Variants in PITPNM3 observed in about 807,000 individuals in gnomAD.
PITPNM3 encodes the protein membrane-associated phosphatidylinositol transfer protein 3.
Under a neutral mutation model 102.0 loss-of-function variants are expected in PITPNM3, and 26 were observed. That is an observed-to-expected ratio of 0.25 (90% CI 0.19 to 0.35). The LOEUF (loss-of-function observed/expected upper bound fraction) is 0.35. PITPNM3 is among the 10% of genes least tolerant of loss of function. The pLI, the probability that PITPNM3 is intolerant of heterozygous loss-of-function variation, is 1.00. For synonymous variants in PITPNM3, 578 were observed against 558.6 expected, an observed-to-expected ratio of 1.03 and a Z score of -0.49; for missense variants, 1,083 against 1,346.1, an observed-to-expected ratio of 0.80 and a Z score of 3.06.
intron 9 of PITPNM3, among the ~76,000 whole-genome samples, chr17:6,476,390 T>C (rs969411024): frequency 1.3e-4 from 20 of 152,230 alleles, no homozygotes; most frequent in African/African-American, 4.6e-4. Flanking sequence ...CAAGTTCAAT[T>C]AACGTGTAAG....
intron 19 of PITPNM3, among the ~76,000 whole-genome samples, chr17:6,456,706 G>A (rs1178660083): frequency 6.6e-6 from 1 of 152,106 alleles, no homozygotes; most frequent in Non-Finnish European, 1.5e-5. Flanking sequence ...TCACTCTCAG[G>A]CATTGCACAC....
At chr17:6,516,231 GAACAAGGT>G (rs1157652033) in intron 3 of PITPNM3, among the ~76,000 whole-genome samples, 3 of 152,172 alleles carry the variant, frequency 2.0e-5, no homozygotes, top group African/African-American at 7.2e-5. Context: ...AGAATAAGAA[GAACAAGGT>G]AACGTGTGGT....
chr17:6,455,527 C>G lies in PITPNM3; in HGVS notation c.2736G>C (p.Ala912=). Residue 912 remains alanine (A), a synonymous_variant, in exon 20 of 20, where the codon GCG becomes GCC. Transcript: ENST00000262483. ...ILRKGSFGLH[A]QPEFLRKRNH... is the part of the protein sequence containing the mutation. ...TGCGCTTCCGCAGGAACTCTGGCTGCGCGTGCAGCCCGAAGCTGCCCTTGC... is the reference window on the plus strand; with the variant it reads ...TGCGCTTCCGCAGGAACTCTGGCTGGGCGTGCAGCCCGAAGCTGCCCTTGC... 6.2e-7 allele frequency: 1 copy of G among 1,604,992 alleles called. No individual in the cohort carries two copies.
At chr17:6,473,385 A>G (rs1379586154) in intron 10 of PITPNM3, among the ~76,000 whole-genome samples, 9 of 152,120 alleles carry the variant, frequency 5.9e-5, no homozygotes, top group Non-Finnish European at 1.2e-4. Context: ...CTCCTAGAAC[A>G]GGGACTGGAC....
In PITPNM3 at chr17:6,469,451, G is replaced by A. The variant is rs12450677; in HGVS notation, c.1773+809C>T. 0.37 allele frequency among the ~76,000 whole-genome samples: 52,453 copies of A among 143,512 alleles called. 10,651 individuals carry two copies. Among genetic ancestry groups the A allele is most frequent in the Middle Eastern group, 0.57 (164 of 290 alleles). 94.1% of individuals were successfully genotyped at this position (143,512 alleles called of 152,430 possible). ...CTACAAACAAAACTCACTTTCCTCC[G>A]CCCCCTGCCCAGCCCTGCTCTTCCG... is the stretch of plus-strand genomic sequence containing the variant. On this transcript the variant is annotated intron_variant, in intron 13 of 19. Coordinates refer to ENST00000262483, the MANE Select transcript of PITPNM3 (RefSeq NM_031220.4). This position sits in a 1 kb window ranked among gnomAD's most constrained non-coding sequence, Gnocchi z 4.0.
In PITPNM3 at chr17:6,471,364, G is replaced by T; in HGVS notation, c.1430-9C>A. The T allele has an allele frequency of 6.4e-7, 1 of 1,574,162 alleles. No homozygotes were observed. On this transcript the variant is annotated splice_polypyrimidine_tract_variant and intron_variant, in intron 11 of 19. Transcript: ENST00000262483. ...GGTGTGTAGGGCATCAGCTGGAGGG[G>T]GAATTTCAAGGTCAGGCTGAGTCAC...
rs1597411933 is a variant in PITPNM3 at position 6,537,307 on chromosome 17, A to C, written c.118+680T>G. Among the ~76,000 whole-genome samples the C allele has an allele frequency of 7.6e-6, 1 of 132,272 alleles. No individual in the cohort carries two copies. 86.8% of individuals were successfully genotyped at this position (132,272 alleles called of 152,430 possible). On this transcript the variant is annotated intron_variant, in intron 2 of 19. Transcript: ENST00000262483. This position sits in a 1 kb window ranked among gnomAD's most constrained non-coding sequence, Gnocchi z 4.4. ...AGAGTATCGCTCTGTCTGCAGTGCC[A>C]TCTCGGCTCACTGCAACCTCTGCCT...
At chr17:6,498,497 C>CA (rs1306860029) in intron 4 of PITPNM3, among the ~76,000 whole-genome samples, 1 of 152,200 alleles carries the variant, frequency 6.6e-6, no homozygotes, top group Non-Finnish European at 1.5e-5. Context: ...GTCTCTCTGA[C>CA]ACGCTGAAGG....
chr17:6,478,506 G>C lies in PITPNM3; in HGVS notation c.777+41C>G. The C allele has an allele frequency of 6.2e-7, 1 of 1,608,786 alleles. No individual in the cohort carries two copies. The highest frequency in any genetic ancestry group is 8.5e-7 in the Non-Finnish European group (1 of 1,175,772). ...CAGCCTCTCTCCCAGGCCGGGGCCG[G>C]AACAGGGGAGGGGAGAGGAGGAGAG... On this transcript the variant is annotated intron_variant, in intron 7 of 19. Transcript: ENST00000262483. This position sits in a 1 kb window ranked among gnomAD's most constrained non-coding sequence, Gnocchi z 4.4.
intron 2 of PITPNM3, among the ~76,000 whole-genome samples, chr17:6,532,445 G>T (rs947281682): frequency 6.6e-6 from 1 of 151,964 alleles, no homozygotes; most frequent in Non-Finnish European, 1.5e-5. Flanking sequence ...AGTGAACAAG[G>T]CTCCATCCCT....
At chr17:6,467,677 G>A (rs1490487170) in intron 14 of PITPNM3, among the ~76,000 whole-genome samples, 1 of 152,206 alleles carries the variant, frequency 6.6e-6, no homozygotes, top group Non-Finnish European at 1.5e-5. Context: ...CTCTCTAGCA[G>A]AATGACTGAG....
intron 1 of PITPNM3, among the ~76,000 whole-genome samples, chr17:6,544,654 T>TCTCTCTCACACA (rs376230474): frequency 0.01 from 1,363 of 130,236 alleles, 17 homozygotes; most frequent in East Asian, 0.04. Flanking sequence ...TCTCTCTCTC[T>TCTCTCTCACACA]CACACACACA....
At chr17:6,460,952 G>A (rs187117934) in intron 18 of PITPNM3, 21 of 289,186 alleles carry the variant, frequency 7.3e-5, no homozygotes, top group Admixed American at 4.8e-4. Context: ...CCATAGCTTC[G>A]GTCATGGAAA....
chr17:6,511,514 A>C (rs1183783111), intron 3 of PITPNM3, among the ~76,000 whole-genome samples: 1 of 152,232 alleles, frequency 6.6e-6, no homozygotes, highest in East Asian at 1.9e-4. Flanking sequence ...CATAATTTTC[A>C]GGGCCCAGTG....
chr17:6,461,872 T>TCCTCCC (rs758257143), intron 17 of PITPNM3, among the ~76,000 whole-genome samples: 28 of 151,186 alleles, frequency 1.9e-4, no homozygotes, highest in Non-Finnish European at 3.7e-4. Flanking sequence ...TCCCTCCTCC[T>TCCTCCC]CCTCCAGGAA....
chr17:6,549,058 C>T (rs1910174856), intron 1 of PITPNM3, among the ~76,000 whole-genome samples: 1 of 152,068 alleles, frequency 6.6e-6, no homozygotes, highest in Admixed American at 6.6e-5. Context: ...CCCAACACCC[C>T]CAGGAACCTT....
chr17:6,494,667 G>C (rs565103153), intron 4 of PITPNM3, among the ~76,000 whole-genome samples: 2 of 152,246 alleles, frequency 1.3e-5, no homozygotes, highest in Admixed American at 1.3e-4. Context: ...ACACACTATG[G>C]GCCAGGGTGT....
At chr17:6,524,911 C>T (rs1278382752) in intron 3 of PITPNM3, among the ~76,000 whole-genome samples, 1 of 152,192 alleles carries the variant, frequency 6.6e-6, no homozygotes, top group African/African-American at 2.4e-5. Flanking sequence ...GCCATATACT[C>T]CTTCTTCAAC....
In PITPNM3 at chr17:6,509,748, G is replaced by A. The variant is rs371326434; in HGVS notation, c.227-6174C>T. Among the ~76,000 whole-genome samples the A allele has an allele frequency of 2.1e-4, 32 of 152,268 alleles. No individual in the cohort carries two copies. The South Asian group carries it at 6.4e-3, about 31-fold the overall frequency. On this transcript the variant is annotated intron_variant, in intron 3 of 19. Coordinates refer to ENST00000262483, the MANE Select transcript of PITPNM3 (RefSeq NM_031220.4). ...CTCATTACCCTTCACCTGGCCCAGC[G>A]TAAGCCCCTGCACTCATTCCCCGGC...
Sources: gnomAD v4.1 joint callset for allele counts (sites outside exome capture counted in the v4.1 genomes callset) on GRCh38, gnomAD v4.1.1 for gene constraint, Gnocchi (gnomAD v3.1) non-coding constraint, MANE v1.5 for transcripts, NCBI Gene and HGNC (gene_info 2026-07-23, HGNC 2026-07-21) for gene names.